Variants in RGS6 observed in about 807,000 individuals in gnomAD.
RGS6 encodes the protein regulator of G protein signaling 6.
RGS6 carries 30 observed loss-of-function variants against 78.5 expected under a neutral mutation model. The observed-to-expected ratio is 0.38, with a 90% CI of 0.29 to 0.52. RGS6 has a LOEUF of 0.52. Ranked by LOEUF, RGS6 falls within the 20% of genes least tolerant of loss-of-function variation. The pLI is 0.85. For missense variants in RGS6, 495 were observed against 609.7 expected (o/e 0.81, Z 1.98); for synonymous variants, 206 against 206.0 (o/e 1.00, Z 0.00).
rs563773287 is a variant in RGS6 at position 72,209,263 on chromosome 14, G to A, written c.85-142832G>A. On this transcript the variant is annotated intron_variant, in intron 2 of 17. Coordinates refer to ENST00000553525, the MANE Select transcript of RGS6 (RefSeq NM_001204424.2). ...CTCAAAATATATAATATATGCGTACGTTTAGTATCTAACAAGAAAAATGAA... is the reference window on the plus strand; with the variant it reads ...CTCAAAATATATAATATATGCGTACATTTAGTATCTAACAAGAAAAATGAA... 6.6e-5 allele frequency among the ~76,000 whole-genome samples: 10 copies of A among 152,158 alleles called. 1 individual carries two copies. The highest frequency in any genetic ancestry group is 6.8e-3 in the Middle Eastern group (2 of 294).
At chr14:72,543,010 C>A (rs1448140791) in intron 17 of RGS6, among the ~76,000 whole-genome samples, 2 of 152,156 alleles carry the variant, frequency 1.3e-5, no homozygotes, top group South Asian at 4.1e-4. Flanking sequence ...CTTTCCAATG[C>A]AAGCTTCATT....
chr14:71,938,498 A>T (rs1401056776), intron 1 of RGS6, among the ~76,000 whole-genome samples: 1 of 152,174 alleles, frequency 6.6e-6, no homozygotes, highest in East Asian at 1.9e-4. Flanking sequence ...GTGCAGAACC[A>T]TCTGTGAACA....
chr14:72,388,602 T>C (rs1219183476), intron 3 of RGS6, among the ~76,000 whole-genome samples: 4 of 152,124 alleles, frequency 2.6e-5, no homozygotes, highest in Admixed American at 6.5e-5. Context: ...CCAGAGTACA[T>C]GGTCATTTCT....
intron 3 of RGS6, among the ~76,000 whole-genome samples, chr14:72,376,343 G>A (rs1431211885): frequency 6.6e-6 from 1 of 152,184 alleles, no homozygotes; most frequent in African/African-American, 2.4e-5. Context: ...AAGGAATTAA[G>A]TCAAAGGATT....
chr14:72,528,445 A>T (rs1031580831), intron 15 of RGS6, among the ~76,000 whole-genome samples: 4 of 151,894 alleles, frequency 2.6e-5, no homozygotes, highest in African/African-American at 9.7e-5. Context: ...ACTGCTGAGG[A>T]CTCTGGCTAA....
At chr14:72,326,992 C>T (rs2073945885) in intron 2 of RGS6, among the ~76,000 whole-genome samples, 1 of 152,182 alleles carries the variant, frequency 6.6e-6, no homozygotes, top group Admixed American at 6.5e-5. Flanking sequence ...CAGGTGTGAG[C>T]CGTTGCGCCC....
intron 2 of RGS6, among the ~76,000 whole-genome samples, chr14:72,220,123 C>T (rs2046513495): frequency 6.6e-6 from 1 of 152,146 alleles, no homozygotes; most frequent in African/African-American, 2.4e-5. Context: ...GAATGCAATC[C>T]CATTCATAAT....
chr14:71,971,120 T>G (rs575939810), intron 2 of RGS6, among the ~76,000 whole-genome samples: 99 of 152,334 alleles, frequency 6.5e-4, no homozygotes, highest in African/African-American at 2.1e-3. Context: ...AAAGACCTTA[T>G]GTACCATGCC....
chr14:72,041,232 G>C (rs539547134), intron 2 of RGS6, among the ~76,000 whole-genome samples: 9 of 152,296 alleles, frequency 5.9e-5, no homozygotes, highest in African/African-American at 2.2e-4. Flanking sequence ...TTTGTGTAGG[G>C]GAAGACCTTT....
At chr14:72,331,996 G>C (rs149187441) in intron 2 of RGS6, among the ~76,000 whole-genome samples, 1 of 152,282 alleles carries the variant, frequency 6.6e-6, no homozygotes, top group African/African-American at 2.4e-5. Context: ...CTGTTAGCCC[G>C]CATTAGACAG....
intron 3 of RGS6, among the ~76,000 whole-genome samples, chr14:72,416,895 C>T (rs1337129278): frequency 1.3e-5 from 2 of 152,188 alleles, no homozygotes; most frequent in Non-Finnish European, 2.9e-5. Context: ...AGCATATATA[C>T]CCCTATAACC....
At chr14:72,313,768 G>T (rs954207125) in intron 2 of RGS6, among the ~76,000 whole-genome samples, 8 of 152,220 alleles carry the variant, frequency 5.3e-5, no homozygotes, top group African/African-American at 1.9e-4. Flanking sequence ...AGTAAGGATG[G>T]AGAAGGTATT....
chr14:72,336,243 T>G (rs944118507), intron 2 of RGS6, among the ~76,000 whole-genome samples: 1 of 152,204 alleles, frequency 6.6e-6, no homozygotes, highest in African/African-American at 2.4e-5. Context: ...TTAAAACAAA[T>G]GAAAGACTAC....
At chr14:72,428,589 T>G (rs1371893207) in intron 3 of RGS6, among the ~76,000 whole-genome samples, 2 of 152,216 alleles carry the variant, frequency 1.3e-5, no homozygotes, top group Non-Finnish European at 2.9e-5. Context: ...TGCAGAGTTC[T>G]CTTCATCAAT....
chr14:72,317,333 G>A (rs1186837526), intron 2 of RGS6, among the ~76,000 whole-genome samples: 3 of 152,086 alleles, frequency 2.0e-5, no homozygotes, highest in East Asian at 1.9e-4. Flanking sequence ...AGGTTAAAGT[G>A]TTCTAATTTT....
At chr14:71,991,462 G>A (rs1339978621) in intron 2 of RGS6, among the ~76,000 whole-genome samples, 4 of 152,158 alleles carry the variant, frequency 2.6e-5, no homozygotes, top group Non-Finnish European at 4.4e-5. Flanking sequence ...ACCATTAAAT[G>A]TGGTATTTGC....
chr14:72,113,024 A>G (rs868341569), intron 2 of RGS6, among the ~76,000 whole-genome samples: 1 of 152,204 alleles, frequency 6.6e-6, no homozygotes, highest in African/African-American at 2.4e-5. Context: ...GGGGCTGTTG[A>G]AAATGACCAG....
chr14:72,143,963 C>T (rs931049479), intron 2 of RGS6, among the ~76,000 whole-genome samples: 16 of 151,854 alleles, frequency 1.1e-4, no homozygotes, highest in East Asian at 3.9e-4. Flanking sequence ...TGTAGGGATG[C>T]GAGAAAAAGA....
intron 1 of RGS6, among the ~76,000 whole-genome samples, chr14:71,947,179 C>T (rs1410592927): frequency 1.3e-5 from 2 of 152,296 alleles, no homozygotes; most frequent in South Asian, 4.1e-4. Context: ...GCCTTTCAGT[C>T]AGAGAGGCTG....
Sources: gnomAD v4.1 joint callset for allele counts (sites outside exome capture counted in the v4.1 genomes callset) on GRCh38, gnomAD v4.1.1 for gene constraint, MANE v1.5 for transcripts, NCBI Gene and HGNC (gene_info 2026-07-23, HGNC 2026-07-21) for gene names.